UBE2L6: variants seen among roughly 807,000 people sequenced by gnomAD.
UBE2L6 encodes ubiquitin conjugating enzyme E2 L6, also known as ubiquitin/ISG15-conjugating enzyme E2 L6.
A neutral mutation model predicts 13.6 loss-of-function variants in UBE2L6; 11 were observed. The observed-to-expected ratio is 0.81, with a 90% confidence interval of 0.51 to 1.34. UBE2L6 has a LOEUF of 1.34. Ranked by LOEUF, UBE2L6 falls within the 40% of genes most tolerant of loss-of-function variation. The pLI, the probability that UBE2L6 is intolerant of heterozygous loss-of-function variation, is 0.00. For missense variants in UBE2L6, 197 were observed against 199.5 expected (o/e 0.99, Z 0.07); for synonymous variants, 74 against 83.2 (o/e 0.89, Z 0.60).
chr11:57,558,201 C>G (rs984076368), intron 2 of UBE2L6, among the ~76,000 whole-genome samples: 1 of 152,108 alleles, frequency 6.6e-6, no homozygotes, highest in African/African-American at 2.4e-5. Flanking sequence ...GCCTCAGCCT[C>G]CTGAGTAGCT....
upstream of UBE2L6, chr11:57,567,893 T>G: frequency 2.6e-6 from 1 of 383,440 alleles, no homozygotes; most frequent in South Asian, 6.0e-5. Flanking sequence ...CGCACGGCTT[T>G]GCTGATCCCT....
chr11:57,567,536 C>T, intron 1 of UBE2L6, 49 bp downstream of exon 1: 2 of 1,595,540 alleles, frequency 1.3e-6, no homozygotes, highest in Non-Finnish European at 1.7e-6. Flanking sequence ...GGAGGGAATG[C>T]GGGAGGCGAG....
intron 3 of UBE2L6, among the ~76,000 whole-genome samples, chr11:57,553,157 A>AATT (rs1488476927): frequency 2.0e-5 from 3 of 152,240 alleles, no homozygotes; most frequent in Admixed American, 6.5e-5. Context: ...TGTGTTGTTC[A>AATT]ATATGGTAGC....
intron 1 of UBE2L6, among the ~76,000 whole-genome samples, chr11:57,563,111 G>A (rs963180196): frequency 4.6e-5 from 7 of 152,090 alleles, no homozygotes; most frequent in Admixed American, 3.9e-4. Flanking sequence ...TTCCTCCACA[G>A]AGAAGGAATT....
intron 1 of UBE2L6, among the ~76,000 whole-genome samples, chr11:57,565,356 G>GTTTTT (rs370848897): frequency 4.1e-5 from 4 of 98,146 alleles, no homozygotes; most frequent in Admixed American, 2.6e-4. Context: ...TGTATTAGTT[G>GTTTTT]TTTTTTTTTT....
intron 2 of UBE2L6, among the ~76,000 whole-genome samples, chr11:57,556,915 G>A (rs983490508): frequency 2.6e-5 from 4 of 152,044 alleles, no homozygotes; most frequent in East Asian, 1.9e-4. Flanking sequence ...ATAAAACCCC[G>A]CCTCCACTAA....
intron 1 of UBE2L6, chr11:57,567,156 T>C: frequency 4.3e-6 from 2 of 462,644 alleles, no homozygotes; most frequent in South Asian, 3.1e-5. Flanking sequence ...AATTATGGGA[T>C]GGGCTATGGG....
At chr11:57,563,028 A>C (rs1303819035) in intron 1 of UBE2L6, among the ~76,000 whole-genome samples, 1 of 152,208 alleles carries the variant, frequency 6.6e-6, no homozygotes, top group African/African-American at 2.4e-5. Context: ...ATTCCAGAGA[A>C]ACAGAGATAT....
intron 1 of UBE2L6, among the ~76,000 whole-genome samples, chr11:57,566,442 C>G (rs1216734869): frequency 6.6e-6 from 1 of 152,214 alleles, no homozygotes; most frequent in Admixed American, 6.5e-5. Context: ...TCCTCTGTGC[C>G]TCAATTTCCT....
chr11:57,564,129 A>T (rs1945068010), intron 1 of UBE2L6, among the ~76,000 whole-genome samples: 5 of 152,238 alleles, frequency 3.3e-5, no homozygotes. Context: ...GACTTAACCC[A>T]AAGAAGACTA....
At chr11:57,556,265 A>G (rs1301557574) in intron 2 of UBE2L6, among the ~76,000 whole-genome samples, 1 of 152,074 alleles carries the variant, frequency 6.6e-6, no homozygotes, top group Non-Finnish European at 1.5e-5. Flanking sequence ...CCTGGGTGTG[A>G]TTCGGCTCTG....
intron 3 of UBE2L6, among the ~76,000 whole-genome samples, chr11:57,553,799 C>T (rs2135272760): frequency 6.6e-6 from 1 of 152,290 alleles, no homozygotes; most frequent in East Asian, 1.9e-4. Flanking sequence ...GCACTCCAGC[C>T]TAGGCGACAG....
At chr11:57,565,360 T>TG (rs1387169172) in intron 1 of UBE2L6, among the ~76,000 whole-genome samples, 17 of 89,342 alleles carry the variant, frequency 1.9e-4, no homozygotes, top group Non-Finnish European at 2.8e-4. Context: ...TTAGTTGTTT[T>TG]TTTTTTTTTT....
upstream of UBE2L6, chr11:57,567,818 C>G: frequency 1.9e-6 from 1 of 522,328 alleles, no homozygotes; most frequent in Non-Finnish European, 3.2e-6. Flanking sequence ...CCGCCCGATC[C>G]CCGCGCGGAA....
In UBE2L6 at chr11:57,567,661, G is replaced by C. The variant is rs749886869; in HGVS notation, c.-50C>G. ...GTGGCCTCCAGCAGGACCGAGCTCC[G>C]ACCCGCGACACAGCGCGCCCCGCCC... On this transcript the variant is annotated 5_prime_UTR_variant, in exon 1 of 4. Coordinates refer to ENST00000287156, the MANE Select transcript of UBE2L6 (RefSeq NM_004223.5). 1 of 1,576,702 alleles carries C rather than the reference G, an allele frequency of 6.3e-7. No individual in the cohort carries two copies. Among genetic ancestry groups the C allele is most frequent in the African/African-American group, 1.3e-5 (1 of 74,468 alleles).
chr11:57,555,539 T>C (rs1944990710), intron 2 of UBE2L6, among the ~76,000 whole-genome samples: 1 of 152,156 alleles, frequency 6.6e-6, no homozygotes. Context: ...AGACAAAAAG[T>C]TCTAGAGATG....
At chr11:57,567,190 TC>T (rs1193349949) in intron 1 of UBE2L6, 1 of 461,902 alleles carries the variant, frequency 2.2e-6, no homozygotes, top group African/African-American at 2.0e-5. Flanking sequence ...AAGGACTTCA[TC>T]CTGGTCATCT....
intron 1 of UBE2L6, 52 bp downstream of exon 1, chr11:57,567,533 A>G (rs1945102365): frequency 2.5e-6 from 4 of 1,595,040 alleles, no homozygotes; most frequent in Non-Finnish European, 3.4e-6. Context: ...GGAGGAGGGA[A>G]TGCGGGAGGC....
Position 57,554,577 on chromosome 11 carries a change from A to C in UBE2L6, c.170T>G (p.Phe57Cys). 1 of 1,614,068 alleles carries C rather than the reference A, an allele frequency of 6.2e-7. No individual in the cohort carries two copies. Among genetic ancestry groups the C allele is most frequent in the Non-Finnish European group, 8.5e-7 (1 of 1,180,008 alleles). The change falls in exon 3 of 4, where the codon TTC becomes TGC. Residue 57 changes from phenylalanine to cysteine, a missense_variant. Physicochemically the swap from Phe to Cys is radical, Grantham distance 205. Coordinates refer to ENST00000287156, the MANE Select transcript of UBE2L6 (RefSeq NM_004223.5). The stretch of plus-strand genomic sequence containing the variant: ...AGGCTTGAACGGATACTCCGGCGGG[A>C]AGCTGATGCGCAGGTTGAAGGCTTT... The part of the protein sequence containing the change: ...HLKAFNLRIS[F>C]PPEYPFKPPM...
Sources: gnomAD v4.1 joint callset for allele counts (sites outside exome capture counted in the v4.1 genomes callset) on GRCh38, gnomAD v4.1.1 for gene constraint, MANE v1.5 for transcripts, NCBI Gene and HGNC (gene_info 2026-07-23, HGNC 2026-07-21) for gene names.